Variants in PARD6G observed in about 807,000 individuals in gnomAD.
PARD6G encodes the protein par-6 family cell polarity regulator gamma.
A neutral mutation model predicts 10.7 loss-of-function variants in PARD6G; 7 were observed. The ratio of observed to expected loss-of-function variants is 0.66; its 90% CI spans 0.37 to 1.23. The LOEUF is 1.23. PARD6G is among the 50% of genes most tolerant of loss of function. The pLI is 0.02. For missense variants in PARD6G, 548 were observed against 571.8 expected (o/e 0.96, Z 0.42); for synonymous variants, 287 against 269.4 (o/e 1.07, Z -0.64).
chr18:80,174,881 G>A lies in PARD6G; in HGVS notation c.296-14275C>T, dbSNP rs565150047. Among the ~76,000 whole-genome samples the A allele has an allele frequency of 3.3e-5, 5 of 152,230 alleles. No homozygotes were observed. In the South Asian group the frequency reaches 1.0e-3, roughly 32 times the overall value. ...AGGCAGGAGAATGGCGTGAACCCGG[G>A]AGGCGGAGAGTGAGCCGAGATTGTA... is the stretch of plus-strand genomic sequence containing the variant. On this transcript the variant is annotated intron_variant, in intron 2 of 2. Transcript: ENST00000353265.
chr18:80,165,187 T>C (rs1052966497), intron 2 of PARD6G, among the ~76,000 whole-genome samples: 1 of 152,156 alleles, frequency 6.6e-6, no homozygotes, highest in Admixed American at 6.5e-5. Flanking sequence ...AGTCCTTATC[T>C]CAATCACATA....
intron 1 of PARD6G, among the ~76,000 whole-genome samples, chr18:80,204,776 C>A (rs538371513): frequency 6.6e-6 from 1 of 152,028 alleles, no homozygotes; most frequent in African/African-American, 2.4e-5. Context: ...TGGTGAAACC[C>A]CATCTCTACT....
chr18:80,169,013 C>T (rs952099111), intron 2 of PARD6G: 2 of 169,248 alleles, frequency 1.2e-5, no homozygotes, highest in Admixed American at 1.3e-4. Flanking sequence ...GTGCCTCTTC[C>T]AAAGGTTTCC....
chr18:80,159,856 A>G lies in PARD6G; in HGVS notation c.1046T>C (p.Leu349Pro). The G allele has an allele frequency of 1.3e-6, 2 of 1,509,388 alleles. No individual in the cohort carries two copies. The highest frequency in any genetic ancestry group is 1.8e-6 in the Non-Finnish European group (2 of 1,134,098). 93.5% of individuals were successfully genotyped at this position (1,509,388 alleles called of 1,614,324 possible). A position where few individuals can be genotyped will look rare whatever the true frequency, so the allele number is the denominator to read the frequency against. The change falls in exon 3 of 3, where the codon CTC (leucine) becomes CCC (proline). Residue 349 changes from leucine to proline, a missense_variant. Physicochemically the swap from Leu to Pro is moderately conservative, Grantham distance 98. Transcript: ENST00000353265. ...ACGGGGGTCGGCCCGCAGGGAGCTG[A>G]GCAGCCGCTGGAGGCCGCCGTCCAG... ...LALDGGLQRL[L>P]SSLRADPRHS... is the part of the protein sequence containing the mutation.
chr18:80,227,375 T>C lies in PARD6G; in HGVS notation c.72+19902A>G, dbSNP rs562717217. ...CATGAAATGTGTTCCATGTCCCTTA[T>C]AGAGCAATGAGTCCCACCAGTCCGG... On this transcript the variant is annotated intron_variant, in intron 1 of 2. Coordinates refer to ENST00000353265, the MANE Select transcript of PARD6G (RefSeq NM_032510.4). Among the ~76,000 whole-genome samples the C allele has an allele frequency of 4.3e-4, 66 of 152,308 alleles. No individual in the cohort carries two copies. The South Asian group carries it at 0.011, about 25-fold the overall frequency.
chr18:80,172,424 G>A (rs1306056612), intron 2 of PARD6G, among the ~76,000 whole-genome samples: 1 of 149,674 alleles, frequency 6.7e-6, no homozygotes, highest in Non-Finnish European at 1.5e-5. Flanking sequence ...TGTTGCCCGA[G>A]CTGGAATGCA....
At chr18:80,226,398 C>T (rs1018700061) in intron 1 of PARD6G, among the ~76,000 whole-genome samples, 2 of 151,828 alleles carry the variant, frequency 1.3e-5, no homozygotes, top group South Asian at 2.1e-4. Context: ...CTCGAACTCC[C>T]GACCTCAGGT....
At chr18:80,221,991 C>T in intron 1 of PARD6G, among the ~76,000 whole-genome samples, 1 of 151,936 alleles carries the variant, frequency 6.6e-6, no homozygotes, top group Admixed American at 6.6e-5. Context: ...AAGATTTATA[C>T]ATTGAAAACT....
chr18:80,210,815 T>A (rs919814433), intron 1 of PARD6G, among the ~76,000 whole-genome samples: 1 of 152,136 alleles, frequency 6.6e-6, no homozygotes, highest in Admixed American at 6.5e-5. Context: ...TTACAACGAG[T>A]TACTTGCCTA....
At position 80,158,320 on chromosome 18, in the gene PARD6G, A is replaced by G. The variant is rs190370041; in HGVS notation, c.*1451T>C. The G allele has an allele frequency of 6.6e-6, 1 of 152,346 alleles. No homozygotes were observed. Among genetic ancestry groups the G allele is most frequent in the East Asian group, 1.9e-4 (1 of 5,190 alleles). 9.4% of individuals were successfully genotyped at this position (152,346 alleles called of 1,614,324 possible). ...AACAAAGATGAGAACTCACGTGCAA[A>G]TGACTGCATTCTCAAAGACATTGCT... is the stretch of plus-strand genomic sequence containing the variant. On this transcript the variant is annotated 3_prime_UTR_variant, in exon 3 of 3. Coordinates refer to ENST00000353265, the MANE Select transcript of PARD6G (RefSeq NM_032510.4).
chr18:80,234,910 G>A (rs891060363), intron 1 of PARD6G, among the ~76,000 whole-genome samples: 5 of 152,026 alleles, frequency 3.3e-5, no homozygotes, highest in African/African-American at 9.7e-5. Flanking sequence ...ATAATAATGG[G>A]AGACTTTAAC....
At chr18:80,223,983 G>C (rs1008439619) in intron 1 of PARD6G, among the ~76,000 whole-genome samples, 1 of 152,196 alleles carries the variant, frequency 6.6e-6, no homozygotes, top group African/African-American at 2.4e-5. Context: ...GGACCCAACA[G>C]TGTTGGCTGG....
At position 80,181,398 on chromosome 18, in the gene PARD6G, G is replaced by A. The variant is rs1017557929; in HGVS notation, c.296-20792C>T. Among the ~76,000 whole-genome samples the A allele has an allele frequency of 6.6e-6, 1 of 152,134 alleles. No homozygotes were observed. The highest frequency in any genetic ancestry group is 1.5e-5 in the Non-Finnish European group (1 of 68,030). ...CGCTCTGGGCACCGGGGGACCCTGCGTGCTTGGGTGCATTGCACACCCAGG... is the reference window on the plus strand; with the variant it reads ...CGCTCTGGGCACCGGGGGACCCTGCATGCTTGGGTGCATTGCACACCCAGG... On this transcript the variant is annotated intron_variant, in intron 2 of 2. Coordinates refer to ENST00000353265, the MANE Select transcript of PARD6G (RefSeq NM_032510.4). The surrounding 1 kb of genome is among the most constrained non-coding windows in gnomAD (Gnocchi z 7.9).
In PARD6G at chr18:80,192,656, A is replaced by G. The variant is rs1020816642; in HGVS notation, c.295+10054T>C. Among the ~76,000 whole-genome samples, 1 of 152,148 alleles carries G rather than the reference A, an allele frequency of 6.6e-6. No homozygotes were observed. Among genetic ancestry groups the G allele is most frequent in the African/African-American group, 2.4e-5 (1 of 41,434 alleles). On this transcript the variant is annotated intron_variant, in intron 2 of 2. Transcript: ENST00000353265. The surrounding 1 kb of genome is among the most constrained non-coding windows in gnomAD (Gnocchi z 4.9). Reference sequence around the variant, plus strand: ...TTGAAGGGTACACTGTACTTTCTGAACCTTACTGTGGTCCAGAACACCAAA... The same window carrying G: ...TTGAAGGGTACACTGTACTTTCTGAGCCTTACTGTGGTCCAGAACACCAAA...
intron 2 of PARD6G, among the ~76,000 whole-genome samples, chr18:80,166,523 C>T (rs1231933922): frequency 6.7e-6 from 1 of 149,356 alleles, no homozygotes; most frequent in Non-Finnish European, 1.5e-5. Flanking sequence ...CGATCAGTTA[C>T]AGCCTCCTCC....
At chr18:80,190,237 C>T (rs1966885279) in intron 2 of PARD6G, among the ~76,000 whole-genome samples, 1 of 148,958 alleles carries the variant, frequency 6.7e-6, no homozygotes, top group Admixed American at 6.8e-5. Flanking sequence ...AAGCCACCTT[C>T]TGGCCATTTC....
intron 2 of PARD6G, chr18:80,187,760 G>A (rs369800041): frequency 2.0e-5 from 3 of 152,184 alleles, no homozygotes; most frequent in Non-Finnish European, 2.9e-5. Context: ...AGATTGCCAT[G>A]GTTCTGAGAA....
chr18:80,223,796 G>A (rs1292953188), intron 1 of PARD6G, among the ~76,000 whole-genome samples: 2 of 152,226 alleles, frequency 1.3e-5, no homozygotes, highest in East Asian at 3.8e-4. Context: ...CAAACAGGAT[G>A]TTCCAAGGGA....
chr18:80,239,713 A>G (rs1341700161), intron 1 of PARD6G, among the ~76,000 whole-genome samples: 1 of 152,180 alleles, frequency 6.6e-6, no homozygotes, highest in Admixed American at 6.5e-5. Context: ...TTTCCAAAGT[A>G]CCTCACCTTT....
Sources: gnomAD v4.1 joint callset for allele counts (sites outside exome capture counted in the v4.1 genomes callset) on GRCh38, gnomAD v4.1.1 for gene constraint, Gnocchi (gnomAD v3.1) non-coding constraint, MANE v1.5 for transcripts, NCBI Gene and HGNC (gene_info 2026-07-23, HGNC 2026-07-21) for gene names.